Variants in PRDM15 observed in about 807,000 individuals in gnomAD.
The protein encoded by PRDM15 is PR domain zinc finger protein 15.
Under a neutral mutation model 128.6 loss-of-function variants are expected in PRDM15, and 64 were observed. The ratio of observed to expected loss-of-function variants is 0.50; its 90% CI spans 0.41 to 0.61. The LOEUF is 0.61. Ranked by LOEUF, PRDM15 falls within the 20% of genes least tolerant of loss-of-function variation. The probability of loss-of-function intolerance (pLI) is 0.00; values close to 1 mark genes in which losing one functional copy is unlikely to be tolerated. For missense variants in PRDM15, 1,242 were observed against 1,569.1 expected (o/e 0.79, Z 3.52); for synonymous variants, 615 against 621.8 (o/e 0.99, Z 0.16).
At chr21:41,833,535 C>T (rs1057360660) in intron 11 of PRDM15, among the ~76,000 whole-genome samples, 1 of 152,378 alleles carries the variant, frequency 6.6e-6, no homozygotes, top group Admixed American at 6.5e-5. Context: ...GATACACATT[C>T]TCTTAACTTC....
At chr21:41,855,104 G>A (rs1023806645) in intron 4 of PRDM15, among the ~76,000 whole-genome samples, 4 of 152,162 alleles carry the variant, frequency 2.6e-5, no homozygotes, top group Admixed American at 2.0e-4. Context: ...GCCCAGGTGC[G>A]GAACTCAAGT....
rs1247434283 is a variant in PRDM15 at position 41,859,365 on chromosome 21, C to T, written c.131+227G>A. On this transcript the variant is annotated intron_variant, in intron 3 of 23. Transcript: ENST00000398548. This position sits in a 1 kb window ranked among gnomAD's most constrained non-coding sequence, Gnocchi z 5.3. Reference sequence around the variant, plus strand: ...GAACAGCTGGGCTCCAGCTAAGAACCCTGGAGTGGATCAAAGAAACTCACT... The same window carrying T: ...GAACAGCTGGGCTCCAGCTAAGAACTCTGGAGTGGATCAAAGAAACTCACT... 2 of 839,748 alleles carry T rather than the reference C, an allele frequency of 2.4e-6. No homozygotes were observed. Among genetic ancestry groups the T allele is most frequent in the Non-Finnish European group, 3.7e-6 (2 of 536,822 alleles). 52.0% of individuals were successfully genotyped at this position (839,748 alleles called of 1,614,324 possible). A position where few individuals can be genotyped will look rare whatever the true frequency, so the allele number is the denominator to read the frequency against.
At chr21:41,819,766 A>G (rs1441540650) in intron 17 of PRDM15, 65 bp from the exon 18 acceptor site, 6 of 1,542,174 alleles carry the variant, frequency 3.9e-6, no homozygotes, top group Non-Finnish European at 4.4e-6. Flanking sequence ...TGCAAAGAGG[A>G]TGCACCAAGG....
chr21:41,843,481 A>G (rs963664662), intron 6 of PRDM15, among the ~76,000 whole-genome samples: 1 of 152,160 alleles, frequency 6.6e-6, no homozygotes, highest in Non-Finnish European at 1.5e-5. Flanking sequence ...GACATGTGCC[A>G]TCTTTTCTGG....
intron 16 of PRDM15, among the ~76,000 whole-genome samples, chr21:41,820,662 G>A (rs28736741): frequency 0.76 from 115,505 of 152,212 alleles, 44,805 homozygotes; most frequent in Non-Finnish European, 0.83. Context: ...TGTGCCGGCT[G>A]TGGTTCTTTG....
Position 41,879,126 on chromosome 21 carries a change from C to T in PRDM15, c.-10+144G>A. 2 of 1,027,520 alleles carry T rather than the reference C, an allele frequency of 1.9e-6. No individual in the cohort carries two copies. Among genetic ancestry groups the T allele is most frequent in the East Asian group, 1.1e-4 (1 of 8,826 alleles). The allele number at this position is 1,027,520 out of a possible 1,614,324, so 63.7% of individuals were successfully genotyped here. A position where few individuals can be genotyped will look rare whatever the true frequency, so the allele number is the denominator to read the frequency against. Reference sequence around the variant, plus strand: ...AGAACAGTCGGCATGGCGGCTGGACCGGGGCGGCGCGCGGCTGCCGGGCGC... The same window carrying T: ...AGAACAGTCGGCATGGCGGCTGGACTGGGGCGGCGCGCGGCTGCCGGGCGC... On this transcript the variant is annotated intron_variant, in intron 1 of 23. Coordinates refer to ENST00000398548, the MANE Select transcript of PRDM15 (RefSeq NM_001040424.3). This position sits in a 1 kb window ranked among gnomAD's most constrained non-coding sequence, Gnocchi z 5.1.
chr21:41,832,846 G>A lies in PRDM15; in HGVS notation c.1366+2591C>T, dbSNP rs1246746905. ...CCCTCACAAGCCCCTCGTGACCATG[G>A]AAAGAGAACCTACTTCAGGCCACTC... On this transcript the variant is annotated intron_variant, in intron 11 of 23. Coordinates refer to ENST00000398548, the MANE Select transcript of PRDM15 (RefSeq NM_001040424.3). The surrounding 1 kb of genome is among the most constrained non-coding windows in gnomAD (Gnocchi z 4.2). 1.3e-5 allele frequency among the ~76,000 whole-genome samples: 2 copies of A among 152,152 alleles called. No individual in the cohort carries two copies. The highest frequency in any genetic ancestry group is 1.9e-4 in the East Asian group (1 of 5,192).
intron 1 of PRDM15, among the ~76,000 whole-genome samples, chr21:41,869,946 T>C (rs899351047): frequency 6.6e-6 from 1 of 152,248 alleles, no homozygotes; most frequent in African/African-American, 2.4e-5. Flanking sequence ...GTCTCCCTTC[T>C]AGTCCACTGA....
chr21:41,865,893 C>A (rs547845582), intron 1 of PRDM15, among the ~76,000 whole-genome samples: 1 of 152,130 alleles, frequency 6.6e-6, no homozygotes, highest in Non-Finnish European at 1.5e-5. Flanking sequence ...TACAGGCACG[C>A]ACCACCATGC....
At position 41,835,515 on chromosome 21, in the gene PRDM15, C is replaced by T. The variant is rs1370768499; in HGVS notation, c.1288G>A (p.Glu430Lys). ...CAAGTGCCGCAGCGGTACCTGTACT[C>T]GCCGTCCACCTGGTCAGAGGGACAC... The part of the protein sequence containing the change: ...YKHSRNEVDG[E>K]YRYRCGTCEK... The change falls in exon 11 of 24, where the codon GAG (glutamate) becomes AAG (lysine). Residue 430 changes from glutamate to lysine, a missense_variant. Physicochemically the swap from Glu to Lys is moderately conservative, Grantham distance 56 (BLOSUM62 1). This residue lies in a region of PRDM15 where 612 missense variants were observed against 717.0 expected (regional missense o/e 0.85). Coordinates refer to ENST00000398548, the MANE Select transcript of PRDM15 (RefSeq NM_001040424.3). 4 of 1,608,778 alleles carry T rather than the reference C, an allele frequency of 2.5e-6. No homozygotes were observed. Among genetic ancestry groups the T allele is most frequent in the Admixed American group, 3.3e-5 (2 of 60,018 alleles).
intron 13 of PRDM15, among the ~76,000 whole-genome samples, chr21:41,825,400 C>CA (rs2062433299): frequency 6.6e-6 from 1 of 152,016 alleles, no homozygotes; most frequent in South Asian, 2.1e-4. Context: ...CCAGGATGGC[C>CA]CCCTCACCGT....
At chr21:41,843,950 T>TTAAAAAAAAAAA (rs1555883670) in intron 6 of PRDM15, among the ~76,000 whole-genome samples, 2 of 123,262 alleles carry the variant, frequency 1.6e-5, no homozygotes, top group Admixed American at 8.4e-5. Flanking sequence ...CCTTGTATTG[T>TTAAAAAAAAAAA]AAAAAAAAAA....
At position 41,847,168 on chromosome 21, in the gene PRDM15, C is replaced by T. The variant is rs142405235; in HGVS notation, c.562G>A (p.Ala188Thr). 2.6e-5 allele frequency: 41 copies of T among 1,553,544 alleles called. No homozygotes were observed. The highest frequency in any genetic ancestry group is 2.4e-5 in the Non-Finnish European group (28 of 1,147,782). ...VHAAGTPENSAPVESEPSQWA... is the reference protein window; with the variant it reads ...VHAAGTPENSTPVESEPSQWA... ...TGGCTGGGCTCCGACTCCACGGGGGCGCTGTTTTCTGGGGTGCCTGCAGCT... is the reference window on the plus strand; with the variant it reads ...TGGCTGGGCTCCGACTCCACGGGGGTGCTGTTTTCTGGGGTGCCTGCAGCT... The change falls in exon 6 of 24, where the codon GCC becomes ACC. Residue 188 changes from alanine (A) to threonine (T), a missense_variant. Physicochemically the swap from Ala to Thr is moderately conservative, Grantham distance 58. Transcript: ENST00000398548.
rs1568989869 is a variant in PRDM15 at position 41,854,299 on chromosome 21, G to C, written c.538+267C>G. ...CACTCATGACAATGCCATCGCCCCA[G>C]GACACATTTCTGAGAATGTATCTCT... On this transcript the variant is annotated intron_variant, in intron 5 of 23. Transcript: ENST00000398548. The surrounding 1 kb of genome is among the most constrained non-coding windows in gnomAD (Gnocchi z 4.6). 6.6e-6 allele frequency among the ~76,000 whole-genome samples: 1 copy of C among 152,116 alleles called. No homozygotes were observed. Among genetic ancestry groups the C allele is most frequent in the Non-Finnish European group, 1.5e-5 (1 of 68,036 alleles).
chr21:41,870,022 C>G (rs1255725944), intron 1 of PRDM15, among the ~76,000 whole-genome samples: 2 of 152,206 alleles, frequency 1.3e-5, no homozygotes, highest in Non-Finnish European at 2.9e-5. Context: ...CAGCTTTAAT[C>G]AAGTCTCAGA....
Position 41,821,313 on chromosome 21 carries a change from CA to C in PRDM15, c.1897-84del. The C allele has an allele frequency of 6.5e-7, 1 of 1,527,580 alleles. No individual in the cohort carries two copies. The highest frequency in any genetic ancestry group is 8.9e-7 in the Non-Finnish European group (1 of 1,118,106). The allele number at this position is 1,527,580 out of a possible 1,614,324, so 94.6% of individuals were successfully genotyped here. Reference sequence around the variant, plus strand: ...AGCTAATGAGGTCGTGTCCACAAACCAGGGCACCCGACACGCCCTGAGAGCC... The same window carrying C: ...AGCTAATGAGGTCGTGTCCACAAACCGGGCACCCGACACGCCCTGAGAGCC... On this transcript the variant is annotated intron_variant, in intron 15 of 23. Coordinates refer to ENST00000398548, the MANE Select transcript of PRDM15 (RefSeq NM_001040424.3). This position sits in a 1 kb window ranked among gnomAD's most constrained non-coding sequence, Gnocchi z 5.4.
intron 5 of PRDM15, among the ~76,000 whole-genome samples, chr21:41,851,549 G>A (rs1227173326): frequency 6.6e-6 from 1 of 152,238 alleles, no homozygotes; most frequent in Non-Finnish European, 1.5e-5. Context: ...AGGGTGAGAG[G>A]CAGTGTGTGT....
chr21:41,828,276 A>G lies in PRDM15; in HGVS notation c.1424T>C (p.Leu475Pro). 6.2e-7 allele frequency: 1 copy of G among 1,613,920 alleles called. No individual in the cohort carries two copies. The highest frequency in any genetic ancestry group is 1.1e-5 in the South Asian group (1 of 91,072). ...GCCGTGCTTCTTCTTGTGCTTGGAG[A>G]GGTTGCTGTTGGTGGAGAAGAATCT... is the stretch of plus-strand genomic sequence containing the variant. ...CFRFFSTNSN[L>P]SKHKKKHGDK... is the part of the protein sequence containing the mutation. The change falls in exon 12 of 24, where the codon CTC becomes CCC. Residue 475 changes from leucine to proline, a missense_variant. Leu to Pro is a moderately conservative substitution (Grantham distance 98, BLOSUM62 -3). This residue lies in a region of PRDM15 where 612 missense variants were observed against 717.0 expected (regional missense o/e 0.85). Transcript: ENST00000398548. This position sits in a 1 kb window ranked among gnomAD's most constrained non-coding sequence, Gnocchi z 5.7.
chr21:41,819,460 G>GCC, intron 18 of PRDM15, 122 bp downstream of exon 18: 4 of 598,286 alleles, frequency 6.7e-6, no homozygotes, highest in Non-Finnish European at 1.1e-5. Flanking sequence ...CGTGGCCCCG[G>GCC]CCCCCGCCCC....
Sources: gnomAD v4.1 joint callset for allele counts (sites outside exome capture counted in the v4.1 genomes callset) on GRCh38, gnomAD v4.1.1 for gene constraint, gnomAD v4.1.1 regional missense constraint, Gnocchi (gnomAD v3.1) non-coding constraint, MANE v1.5 for transcripts, NCBI Gene and HGNC (gene_info 2026-07-23, HGNC 2026-07-21) for gene names.